The following MEIG1 variants were observed in gnomAD, a reference collection of about 807,000 sequenced individuals.
The protein encoded by MEIG1 is meiosis/spermiogenesis associated 1, also known as meiosis expressed gene 1 protein homolog.
A neutral mutation model predicts 11.3 loss-of-function variants in MEIG1; 12 were observed. That is an observed-to-expected ratio of 1.07 (90% confidence interval 0.68 to 1.73). The LOEUF is 1.73. Among genes scored for constraint, MEIG1 ranks in the 40% most tolerant of loss-of-function variants. The probability of loss-of-function intolerance (pLI) is 0.00; values close to 1 mark genes in which losing one functional copy is unlikely to be tolerated. For missense variants in MEIG1, 119 were observed against 104.9 expected (o/e 1.13, Z -0.59); for synonymous variants, 41 against 33.2 (o/e 1.24, Z -0.81).
chr10:14,975,881 C>A (rs990024625), downstream of MEIG1, among the ~76,000 whole-genome samples: 3 of 152,094 alleles, frequency 2.0e-5, no homozygotes, highest in African/African-American at 7.2e-5. Context: ...GAAACACTCC[C>A]GTGATATTGT....
rs1366780797 is a variant in MEIG1 at position 14,963,344 on chromosome 10, C to G, written c.-29-3096C>G. On this transcript the variant is annotated intron_variant, in intron 1 of 2. Transcript: ENST00000407572. ...TCCCGACCTCAGGTGATCCACCCACCTCGGCCTCCCAAAGTGCTGGGATTA... is the reference window on the plus strand; with the variant it reads ...TCCCGACCTCAGGTGATCCACCCACGTCGGCCTCCCAAAGTGCTGGGATTA... 3.3e-5 allele frequency among the ~76,000 whole-genome samples: 5 copies of G among 151,744 alleles called. No individual in the cohort carries two copies. The East Asian group carries it at 9.8e-4, about 30-fold the overall frequency.
intron 2 of MEIG1, among the ~76,000 whole-genome samples, chr10:14,971,918 G>T (rs540655141): frequency 6.6e-6 from 1 of 152,100 alleles, no homozygotes; most frequent in Non-Finnish European, 1.5e-5. Context: ...GCAGTTCCAG[G>T]ACAGCTTGGG....
intron 1 of MEIG1, among the ~76,000 whole-genome samples, chr10:14,986,431 T>A (rs1183208647): frequency 6.6e-6 from 1 of 152,216 alleles, no homozygotes. Flanking sequence ...CCATCTGGAA[T>A]TGTGCAAGAA....
chr10:14,961,800 TTTA>T (rs1554805498), intron 1 of MEIG1, among the ~76,000 whole-genome samples: 1 of 151,478 alleles, frequency 6.6e-6, no homozygotes, highest in Non-Finnish European at 1.5e-5. Context: ...TTTTTATTTA[TTTA>T]TTTTTTTAAC....
intron 1 of MEIG1, among the ~76,000 whole-genome samples, chr10:14,985,584 C>T (rs540020658): frequency 2.0e-5 from 3 of 152,026 alleles, no homozygotes; most frequent in East Asian, 1.9e-4. Context: ...TAATGTCACA[C>T]GGGGTGAGGC....
In MEIG1 at chr10:14,972,427, C is replaced by T. The variant is rs1353059190; in HGVS notation, c.139-86C>T. On this transcript the variant is annotated intron_variant, in intron 2 of 2. Coordinates refer to ENST00000407572, the MANE Select transcript of MEIG1 (RefSeq NM_001080836.3). ...AATCTTATACTTTGTTTCTGTAAGT[C>T]ATACTTTTTAACTATTTGATAGTAA... 3 of 1,554,992 alleles carry T rather than the reference C, an allele frequency of 1.9e-6. No individual in the cohort carries two copies. In the African/African-American group the frequency reaches 4.1e-5, roughly 21 times the overall value.
intron 2 of MEIG1, among the ~76,000 whole-genome samples, chr10:14,970,782 A>T (rs1843139699): frequency 6.6e-6 from 1 of 152,214 alleles, no homozygotes; most frequent in African/African-American, 2.4e-5. Flanking sequence ...AGATTTATTC[A>T]TGGGGAACAG....
At chr10:14,984,074 C>G (rs749910859) in intron 1 of MEIG1, among the ~76,000 whole-genome samples, 2 of 151,972 alleles carry the variant, frequency 1.3e-5, no homozygotes, top group Non-Finnish European at 2.9e-5. Context: ...GATGTACACC[C>G]GTGTATGATA....
intron 1 of MEIG1, among the ~76,000 whole-genome samples, chr10:14,959,945 G>T (rs1397214770): frequency 6.6e-6 from 1 of 152,228 alleles, no homozygotes; most frequent in Non-Finnish European, 1.5e-5. Context: ...AAAGGAAGCT[G>T]GAGGGATGGG....
At chr10:14,955,566 T>C (rs1010910529), upstream of MEIG1, among the ~76,000 whole-genome samples, 1 of 152,064 alleles carries the variant, frequency 6.6e-6, no homozygotes, top group African/African-American at 2.4e-5. Flanking sequence ...CGGCCGGGCA[T>C]GGTGGCACAC....
At position 14,985,625 on chromosome 10, in the gene MEIG1, A is replaced by G. The variant is rs147941625; in HGVS notation, n.67-1171A>G. ...ACATCGTGTGTGTACACCACCTGTG[A>G]TATTATTCATAATAGCCTAGGAGGA... On this transcript the variant is annotated intron_variant and non_coding_transcript_variant, in intron 1 of 2. Transcript: ENST00000467536. Among the ~76,000 whole-genome samples, 173 of 152,076 alleles carry G rather than the reference A, an allele frequency of 1.1e-3. 1 individual carries two copies. The highest frequency in any genetic ancestry group is 3.9e-3 in the African/African-American group (163 of 41,464).
chr10:14,984,135 C>T (rs1214896816), intron 1 of MEIG1, among the ~76,000 whole-genome samples: 2 of 151,982 alleles, frequency 1.3e-5, no homozygotes, highest in African/African-American at 2.4e-5. Flanking sequence ...ATACCGTCAA[C>T]ACGCTGTGTG....
At position 14,966,436 on chromosome 10, in the gene MEIG1, T is replaced by G; in HGVS notation, c.-29-4T>G. 1 of 1,563,858 alleles carries G rather than the reference T, an allele frequency of 6.4e-7. No homozygotes were observed. Among genetic ancestry groups the G allele is most frequent in the Non-Finnish European group, 8.6e-7 (1 of 1,157,582 alleles). On this transcript the variant is annotated splice_polypyrimidine_tract_variant and splice_region_variant and intron_variant, in intron 1 of 2. Coordinates refer to ENST00000407572, the MANE Select transcript of MEIG1 (RefSeq NM_001080836.3). ...TCCATTAATGTTGTTTTAACATCTT[T>G]CAGATATTATTGATAATAAGGCCTC...
intron 1 of MEIG1, among the ~76,000 whole-genome samples, chr10:14,986,556 C>T (rs890432664): frequency 6.6e-6 from 1 of 152,160 alleles, no homozygotes; most frequent in African/African-American, 2.4e-5. Context: ...CATCCCATCC[C>T]TTTTCTTCGT....
chr10:14,987,501 C>A (rs1424712271), intron 2 of MEIG1: 38 of 706,274 alleles, frequency 5.4e-5, no homozygotes, highest in East Asian at 1.6e-4. Context: ...TAAAAACCAG[C>A]CCTTAATGTT....
intron 1 of MEIG1, among the ~76,000 whole-genome samples, chr10:14,986,121 C>T (rs1843315822): frequency 6.6e-6 from 1 of 152,276 alleles, no homozygotes; most frequent in South Asian, 2.1e-4. Context: ...GGTCTTCACC[C>T]TGTGATATAA....
At chr10:14,980,732 G>A (rs1028737411) in intron 1 of MEIG1, among the ~76,000 whole-genome samples, 1 of 152,136 alleles carries the variant, frequency 6.6e-6, no homozygotes. Flanking sequence ...AGATGGTGGG[G>A]GAGTTCTTGA....
exon 3 of MEIG1, chr10:14,987,820 G>C (rs1843334040): frequency 5.6e-6 from 1 of 177,634 alleles, no homozygotes; most frequent in African/African-American, 2.4e-5. Context: ...AAGAAATTAA[G>C]AAGCCGTGAA....
chr10:14,971,078 G>A (rs1488386461), intron 2 of MEIG1, among the ~76,000 whole-genome samples: 2 of 151,970 alleles, frequency 1.3e-5, no homozygotes, highest in African/African-American at 4.8e-5. Flanking sequence ...AAACCAATAT[G>A]GTATACAAGA....
Sources: gnomAD v4.1 joint callset for allele counts (sites outside exome capture counted in the v4.1 genomes callset) on GRCh38, gnomAD v4.1.1 for gene constraint, MANE v1.5 for transcripts, NCBI Gene and HGNC (gene_info 2026-07-23, HGNC 2026-07-21) for gene names.